The following PCDHAC1 variants were observed in gnomAD, a reference collection of about 807,000 sequenced individuals.
PCDHAC1 encodes the protein protocadherin alpha subfamily C, 1.
PCDHAC1 carries 42 observed loss-of-function variants against 60.0 expected under a neutral mutation model. That is an observed-to-expected ratio of 0.70 (90% CI 0.55 to 0.90). The LOEUF (loss-of-function observed/expected upper bound fraction) is 0.90, where lower values mean the gene tolerates loss of function less well. Ranked by LOEUF, PCDHAC1 falls within the 40% of genes least tolerant of loss-of-function variation. The pLI, the probability that PCDHAC1 is intolerant of heterozygous loss-of-function variation, is 0.00. For synonymous variants in PCDHAC1, 468 were observed against 499.3 expected (o/e 0.94, Z 0.84); for missense variants, 1,160 against 1,222.3 (o/e 0.95, Z 0.76).
Position 141,011,176 on chromosome 5 carries a change from A to G in PCDHAC1, c.*1239A>G, listed in dbSNP as rs1198355681. On this transcript the variant is annotated 3_prime_UTR_variant, in exon 4 of 4. Coordinates refer to ENST00000253807, the MANE Select transcript of PCDHAC1 (RefSeq NM_018898.5). The stretch of plus-strand genomic sequence containing the variant: ...ACCAACTATATATCAAGACCCAAAA[A>G]TTGAAGAAAAATATTGTTTTCTCAT... 1 of 153,724 alleles carries G rather than the reference A, an allele frequency of 6.5e-6. No homozygotes were observed. The highest frequency in any genetic ancestry group is 1.5e-5 in the Non-Finnish European group (1 of 68,024). The allele number at this position is 153,724 out of a possible 1,614,324, so 9.5% of individuals were successfully genotyped here.
At chr5:140,935,134 T>G (rs1358918679) in intron 1 of PCDHAC1, among the ~76,000 whole-genome samples, 1 of 152,210 alleles carries the variant, frequency 6.6e-6, no homozygotes. Context: ...TAGTGAAAGA[T>G]GATACTTAGA....
intron 1 of PCDHAC1, among the ~76,000 whole-genome samples, chr5:140,952,559 G>A (rs1185999097): frequency 6.6e-6 from 1 of 152,108 alleles, no homozygotes; most frequent in Non-Finnish European, 1.5e-5. Flanking sequence ...TTCACTATCA[G>A]CACTTCGGTC....
intron 1 of PCDHAC1, among the ~76,000 whole-genome samples, chr5:140,962,106 C>T (rs1156902232): frequency 4.6e-5 from 7 of 152,130 alleles, no homozygotes; most frequent in Non-Finnish European, 7.4e-5. Context: ...AGGATGGTCT[C>T]GATCTCCTAA....
At chr5:140,947,221 T>A (rs181563367) in intron 1 of PCDHAC1, among the ~76,000 whole-genome samples, 1 of 151,730 alleles carries the variant, frequency 6.6e-6, no homozygotes, top group East Asian at 1.9e-4. Context: ...TCCTGTCATT[T>A]ATGACAGGAA....
intron 1 of PCDHAC1, among the ~76,000 whole-genome samples, chr5:140,955,006 C>G (rs1304080416): frequency 6.6e-6 from 1 of 152,154 alleles, no homozygotes; most frequent in African/African-American, 2.4e-5. Flanking sequence ...AGCCAATTCT[C>G]CCAGCACCAT....
At chr5:141,003,087 G>T (rs894210434) in intron 3 of PCDHAC1, among the ~76,000 whole-genome samples, 2 of 152,198 alleles carry the variant, frequency 1.3e-5, no homozygotes, top group African/African-American at 4.8e-5. Context: ...AGTTTAACAG[G>T]CCTGGCATTT....
intron 1 of PCDHAC1, among the ~76,000 whole-genome samples, chr5:140,930,742 A>G (rs2087064675): frequency 6.6e-6 from 1 of 152,216 alleles, no homozygotes; most frequent in Non-Finnish European, 1.5e-5. Context: ...AATAAAATAA[A>G]TTTACATATG....
intron 3 of PCDHAC1, among the ~76,000 whole-genome samples, chr5:140,987,354 G>A (rs1180342992): frequency 2.6e-5 from 4 of 152,166 alleles, no homozygotes; most frequent in Admixed American, 2.6e-4. Context: ...TATTCCTGAG[G>A]TTGTCTTATA....
chr5:140,966,945 A>G, intron 1 of PCDHAC1: 1 of 1,603,804 alleles, frequency 6.2e-7, no homozygotes, highest in Non-Finnish European at 8.5e-7. Flanking sequence ...CTCGTGGGCA[A>G]CGTGGCTCGC....
At chr5:140,936,863 A>G (rs1177234152) in intron 1 of PCDHAC1, among the ~76,000 whole-genome samples, 1 of 152,120 alleles carries the variant, frequency 6.6e-6, no homozygotes, top group East Asian at 1.9e-4. Context: ...CTCAGTTTCT[A>G]TTTTAAAAAA....
chr5:140,978,175 G>A (rs1163383689), intron 1 of PCDHAC1, among the ~76,000 whole-genome samples: 1 of 152,170 alleles, frequency 6.6e-6, no homozygotes, highest in Admixed American at 6.5e-5. Context: ...TTTGTAGAGA[G>A]AGGGCAACAG....
intron 3 of PCDHAC1, among the ~76,000 whole-genome samples, chr5:141,000,587 C>A (rs181671847): frequency 0.01 from 1,575 of 150,790 alleles, 20 homozygotes; most frequent in Non-Finnish European, 0.016. Context: ...GCCACCATGC[C>A]CAGCTAATTT....
chr5:140,945,048 A>G (rs2093731802), intron 1 of PCDHAC1, among the ~76,000 whole-genome samples: 1 of 152,182 alleles, frequency 6.6e-6, no homozygotes, highest in South Asian at 2.1e-4. Context: ...GGTCTTATAT[A>G]AAGAAAACCC....
At chr5:140,975,779 A>G (rs1439511378) in intron 1 of PCDHAC1, among the ~76,000 whole-genome samples, 1 of 152,118 alleles carries the variant, frequency 6.6e-6, no homozygotes, top group Non-Finnish European at 1.5e-5. Context: ...TAATACCATT[A>G]CAAGATAAAT....
At position 140,977,766 on chromosome 5, in the gene PCDHAC1, G is replaced by C. The variant is rs559146656; in HGVS notation, c.2434-1183G>C. ...AAGAAATGTGTTTATTAAATACTTTGCATCCCTTAAAGGAACTATATGAAT... is the reference window on the plus strand; with the variant it reads ...AAGAAATGTGTTTATTAAATACTTTCCATCCCTTAAAGGAACTATATGAAT... On this transcript the variant is annotated intron_variant, in intron 1 of 3. Coordinates refer to ENST00000253807, the MANE Select transcript of PCDHAC1 (RefSeq NM_018898.5). Among the ~76,000 whole-genome samples, 3 of 152,272 alleles carry C rather than the reference G, an allele frequency of 2.0e-5. No homozygotes were observed. In the South Asian group the frequency reaches 6.2e-4, roughly 32 times the overall value.
chr5:141,009,233 T>C (rs2098403082), intron 3 of PCDHAC1, among the ~76,000 whole-genome samples: 1 of 152,184 alleles, frequency 6.6e-6, no homozygotes, highest in Non-Finnish European at 1.5e-5. Context: ...GGTGGGAGGA[T>C]CTCTTGAGCT....
intron 1 of PCDHAC1, 180 bp downstream of exon 1, chr5:140,929,505 C>A: frequency 1.2e-6 from 1 of 840,606 alleles, no homozygotes; most frequent in Non-Finnish European, 1.7e-6. Flanking sequence ...TGCCCTAGGC[C>A]TCAAGGGACT....
At chr5:140,948,793 A>AT (rs1351130459) in intron 1 of PCDHAC1, among the ~76,000 whole-genome samples, 1 of 150,328 alleles carries the variant, frequency 6.7e-6, no homozygotes, top group Non-Finnish European at 1.5e-5. Flanking sequence ...TTGTTGATAT[A>AT]TTTTCTATTG....
At chr5:140,969,994 CAGAG>C (rs1406079395) in intron 1 of PCDHAC1, among the ~76,000 whole-genome samples, 2 of 152,032 alleles carry the variant, frequency 1.3e-5, no homozygotes, top group Non-Finnish European at 1.5e-5. Context: ...AGAGGGCTGT[CAGAG>C]GGAGTGGATG....
Sources: gnomAD v4.1 joint callset for allele counts (sites outside exome capture counted in the v4.1 genomes callset) on GRCh38, gnomAD v4.1.1 for gene constraint, MANE v1.5 for transcripts, NCBI Gene and HGNC (gene_info 2026-07-23, HGNC 2026-07-21) for gene names.